The following XYLT1 variants were observed in gnomAD, a reference collection of about 807,000 sequenced individuals.
The protein encoded by XYLT1 is xylosyltransferase 1, also known as beta-D-xylosyltransferase 1.
In XYLT1, 36 loss-of-function variants were observed where a neutral mutation model predicts 91.3. The ratio of observed to expected loss-of-function variants is 0.39; its 90% CI spans 0.30 to 0.52. The LOEUF (loss-of-function observed/expected upper bound fraction) is 0.52, where lower values mean the gene tolerates loss of function less well. Among genes scored for constraint, XYLT1 ranks in the 20% least tolerant of loss-of-function variants. The pLI is 0.68. For synonymous variants in XYLT1, 588 were observed against 532.0 expected, an observed-to-expected ratio of 1.11 and a Z score of -1.45; for missense variants, 1,242 against 1,284.5, an observed-to-expected ratio of 0.97 and a Z score of 0.51.
At chr16:17,331,011 A>G (rs997237508) in intron 2 of XYLT1, among the ~76,000 whole-genome samples, 1 of 152,222 alleles carries the variant, frequency 6.6e-6, no homozygotes, top group African/African-American at 2.4e-5. Context: ...ACCGCCCTGC[A>G]CAAAGGGAGG....
intron 8 of XYLT1, among the ~76,000 whole-genome samples, chr16:17,135,914 G>A (rs2030701133): frequency 6.6e-6 from 1 of 152,198 alleles, no homozygotes; most frequent in Non-Finnish European, 1.5e-5. Flanking sequence ...TTCATTTATA[G>A]AAGCAGGCAG....
At chr16:17,325,447 A>G (rs1469163228) in intron 2 of XYLT1, among the ~76,000 whole-genome samples, 3 of 152,202 alleles carry the variant, frequency 2.0e-5, no homozygotes, top group Non-Finnish European at 2.9e-5. Context: ...TTGCAATTTG[A>G]TCATCAAATT....
At chr16:17,282,967 C>CCT (rs1337851355) in intron 2 of XYLT1, among the ~76,000 whole-genome samples, 2 of 151,992 alleles carry the variant, frequency 1.3e-5, no homozygotes, top group Non-Finnish European at 2.9e-5. Context: ...GTCACCCCCC[C>CCT]CAAGTCACAC....
Position 17,287,939 on chromosome 16 carries a change from CT to C in XYLT1, c.403-28442del, listed in dbSNP as rs34525791. Among the ~76,000 whole-genome samples the C allele has an allele frequency of 3.0e-3, 431 of 144,510 alleles. 1 individual carries two copies. The highest frequency in any genetic ancestry group is 6.0e-3 in the African/African-American group (236 of 39,222). 94.8% of individuals were successfully genotyped at this position (144,510 alleles called of 152,430 possible). A position where few individuals can be genotyped will look rare whatever the true frequency, so the allele number is the denominator to read the frequency against. ...AGGAACTCTATTAGGCATAATTTTT[CT>C]TTTTTTTTTTTTGAGACAGGGTCTG... On this transcript the variant is annotated intron_variant, in intron 2 of 11. Transcript: ENST00000261381.
In XYLT1 at chr16:17,127,730, A is replaced by G; in HGVS notation, c.2159T>C (p.Met720Thr). Reference sequence around the variant, plus strand: ...TGCGATCTTGAAGACTTTTTTCGGCATCACCCAGGTCTCCAGAGTCTCTAG... The same window carrying G: ...TGCGATCTTGAAGACTTTTTTCGGCGTCACCCAGGTCTCCAGAGTCTCTAG... ...SKLETLETWV[M>T]PKKVFKIASP... The change falls in exon 10 of 12, where the codon ATG becomes ACG. Residue 720 changes from methionine to threonine, a missense_variant. Physicochemically the swap from Met to Thr is moderately conservative, Grantham distance 81. Coordinates refer to ENST00000261381, the MANE Select transcript of XYLT1 (RefSeq NM_022166.4). The G allele has an allele frequency of 6.2e-7, 1 of 1,614,172 alleles. No individual in the cohort carries two copies. Among genetic ancestry groups the G allele is most frequent in the Non-Finnish European group, 8.5e-7 (1 of 1,180,032 alleles).
intron 2 of XYLT1, among the ~76,000 whole-genome samples, chr16:17,267,842 G>A (rs1567349286): frequency 6.6e-6 from 1 of 152,262 alleles, no homozygotes; most frequent in East Asian, 1.9e-4. Flanking sequence ...TCTGTAAAAT[G>A]GGGACAATAA....
rs190018767 is a variant in XYLT1 at position 17,292,203 on chromosome 16, C to T, written c.403-32705G>A. ...TATACATGATGGGAAATTCAATTTG[C>T]CACCAGAAGCATTTAAAATAATACC... is the stretch of plus-strand genomic sequence containing the variant. On this transcript the variant is annotated intron_variant, in intron 2 of 11. Coordinates refer to ENST00000261381, the MANE Select transcript of XYLT1 (RefSeq NM_022166.4). 3.3e-5 allele frequency among the ~76,000 whole-genome samples: 5 copies of T among 151,882 alleles called. No homozygotes were observed. The East Asian group carries it at 7.7e-4, about 23-fold the overall frequency.
intron 2 of XYLT1, among the ~76,000 whole-genome samples, chr16:17,325,282 T>A (rs1214646968): frequency 6.6e-6 from 1 of 152,156 alleles, no homozygotes; most frequent in East Asian, 1.9e-4. Context: ...GCGCCTGTAA[T>A]CCCAGCTACT....
At chr16:17,143,772 C>A (rs1012777116) in intron 6 of XYLT1, among the ~76,000 whole-genome samples, 3 of 150,952 alleles carry the variant, frequency 2.0e-5, no homozygotes, top group Non-Finnish European at 2.9e-5. Context: ...ACTGTCATCA[C>A]CACCATCGTC....
At chr16:17,370,713 T>C (rs1567397085) in intron 1 of XYLT1, among the ~76,000 whole-genome samples, 1 of 152,212 alleles carries the variant, frequency 6.6e-6, no homozygotes, top group Non-Finnish European at 1.5e-5. Context: ...CACAATGTTT[T>C]AAAAAGAACA....
intron 5 of XYLT1, among the ~76,000 whole-genome samples, chr16:17,170,968 G>A (rs1219475116): frequency 2.0e-5 from 3 of 152,106 alleles, no homozygotes; most frequent in Admixed American, 6.5e-5. Flanking sequence ...TAAAATTGAG[G>A]ATAATAACAC....
chr16:17,376,472 T>C (rs2035603006), intron 1 of XYLT1, among the ~76,000 whole-genome samples: 1 of 152,184 alleles, frequency 6.6e-6, no homozygotes, highest in African/African-American at 2.4e-5. Flanking sequence ...GATGTCTCTT[T>C]TGCTCACAGC....
Position 17,259,053 on chromosome 16 carries a change from G to C in XYLT1, c.848C>G (p.Thr283Ser), listed in dbSNP as rs763286849. ...SKHCRQEIGE[T>S]YCRHKLGLLM... is the part of the protein sequence containing the mutation. ...CAGCCCTAACTTGTGGCGGCAGTAA[G>C]TCTCCCCAATCTCCTGGCGGCAGTG... The change falls in exon 3 of 12, where the codon ACT becomes AGT. Residue 283 changes from threonine (T) to serine (S), a missense_variant. This residue lies in a region of XYLT1 where 437 missense variants were observed against 411.5 expected (regional missense o/e 1.06). Coordinates refer to ENST00000261381, the MANE Select transcript of XYLT1 (RefSeq NM_022166.4). 1.3e-6 allele frequency: 2 copies of C among 1,518,300 alleles called. No homozygotes were observed. Among genetic ancestry groups the C allele is most frequent in the Admixed American group, 4.5e-5 (2 of 44,582 alleles). The allele number at this position is 1,518,300 out of a possible 1,614,324, so 94.1% of individuals were successfully genotyped here. A position where few individuals can be genotyped will look rare whatever the true frequency, so the allele number is the denominator to read the frequency against.
chr16:17,260,435 G>A (rs908120024), intron 2 of XYLT1, among the ~76,000 whole-genome samples: 4 of 152,108 alleles, frequency 2.6e-5, no homozygotes, highest in African/African-American at 9.7e-5. Flanking sequence ...GACCTCTGAA[G>A]CCACAGAGAA....
intron 5 of XYLT1, among the ~76,000 whole-genome samples, chr16:17,164,762 C>T (rs8046459): frequency 0.42 from 63,990 of 151,992 alleles, 14,455 homozygotes; most frequent in African/African-American, 0.58. Flanking sequence ...TTATTTTTTT[C>T]CCTGTTACAC....
chr16:17,259,589 G>C (rs572264468), intron 2 of XYLT1, 91 bp from the exon 3 acceptor site: 3 of 1,455,036 alleles, frequency 2.1e-6, no homozygotes, highest in East Asian at 2.3e-5. Flanking sequence ...ATACGGACTT[G>C]GAAGCCGGGG....
chr16:17,308,802 T>C (rs1322134879), intron 2 of XYLT1, among the ~76,000 whole-genome samples: 1 of 152,144 alleles, frequency 6.6e-6, no homozygotes, highest in East Asian at 1.9e-4. Flanking sequence ...AGATGCCCAA[T>C]AAATGAAATT....
chr16:17,334,413 G>A (rs1465932297), intron 2 of XYLT1, among the ~76,000 whole-genome samples: 2 of 152,002 alleles, frequency 1.3e-5, no homozygotes, highest in South Asian at 2.1e-4. Context: ...AGTGACTGCA[G>A]TAAGAGCCAC....
At chr16:17,467,815 C>A (rs576674805) in intron 1 of XYLT1, among the ~76,000 whole-genome samples, 84 of 152,288 alleles carry the variant, frequency 5.5e-4, no homozygotes, top group Middle Eastern at 3.4e-3. Context: ...GACACAGGTT[C>A]CCTCTACATG....
Sources: allele counts gnomAD v4.1 joint callset (sites outside exome capture counted in the v4.1 genomes callset), GRCh38; gene constraint gnomAD v4.1.1; regional missense constraint gnomAD v4.1.1; transcripts MANE v1.5; gene names NCBI Gene and HGNC (gene_info 2026-07-23, HGNC 2026-07-21).